The following ACTR3C variants were observed in gnomAD, a reference collection of about 807,000 sequenced individuals.
ACTR3C encodes actin related protein 3C.
Under a neutral mutation model 26.3 loss-of-function variants are expected in ACTR3C, and 18 were observed. That is an observed-to-expected ratio of 0.68 (90% CI 0.47 to 1.01). The LOEUF (loss-of-function observed/expected upper bound fraction) is 1.01, where lower values mean the gene tolerates loss of function less well. ACTR3C is among the 50% of genes least tolerant of loss of function. ACTR3C has a pLI of 0.00. For missense variants in ACTR3C, 184 were observed against 250.7 expected (o/e 0.73, Z 1.80); for synonymous variants, 55 against 94.5 (o/e 0.58, Z 2.42).
At position 150,274,179 on chromosome 7, in the gene ACTR3C, G is replaced by C. The variant is rs1023820280; in HGVS notation, c.564+10574C>G. On this transcript the variant is annotated intron_variant, in intron 6 of 7. Coordinates refer to ENST00000683684, the MANE Select transcript of ACTR3C (RefSeq NM_001164458.2). This position sits in a 1 kb window ranked among gnomAD's most constrained non-coding sequence, Gnocchi z 4.1. Reference sequence around the variant, plus strand: ...GGAAAAAGCGCCGAGGTGCAGTCTAGAGCAGGGTGGTCAGGACGCCTCACT... The same window carrying C: ...GGAAAAAGCGCCGAGGTGCAGTCTACAGCAGGGTGGTCAGGACGCCTCACT... Among the ~76,000 whole-genome samples the C allele has an allele frequency of 6.6e-6, 1 of 152,166 alleles. No homozygotes were observed. Among genetic ancestry groups the C allele is most frequent in the African/African-American group, 2.4e-5 (1 of 41,420 alleles).
At chr7:150,120,777 C>G in the ACTR3C span, among the ~76,000 whole-genome samples, 3 of 152,104 alleles carry the variant, frequency 2.0e-5, no homozygotes, top group Non-Finnish European at 2.9e-5. Flanking sequence ...GGCAGAGACA[C>G]AACTAAAAAA....
the ACTR3C span, among the ~76,000 whole-genome samples, chr7:150,039,215 G>C: frequency 6.7e-6 from 1 of 148,752 alleles, no homozygotes; most frequent in Non-Finnish European, 1.5e-5. Flanking sequence ...CTCTGCGATG[G>C]GGGTCCTAAG....
At chr7:150,310,817 T>C (rs1796250094) in intron 1 of ACTR3C, among the ~76,000 whole-genome samples, 1 of 152,180 alleles carries the variant, frequency 6.6e-6, no homozygotes, top group Non-Finnish European at 1.5e-5. Context: ...GAACTTCTTC[T>C]TTGCAGCCCC....
the ACTR3C span, among the ~76,000 whole-genome samples, chr7:149,918,855 C>G: frequency 2.0e-5 from 3 of 152,140 alleles, no homozygotes; most frequent in African/African-American, 7.2e-5. Flanking sequence ...GAGAACGAGC[C>G]CAACACACTC....
chr7:150,270,757 G>T (rs1834387146), intron 6 of ACTR3C, among the ~76,000 whole-genome samples: 1 of 151,468 alleles, frequency 6.6e-6, no homozygotes, highest in Admixed American at 6.6e-5. Context: ...CTGAAATCTG[G>T]TACCCACCTG....
the ACTR3C span, among the ~76,000 whole-genome samples, chr7:149,985,609 G>C: frequency 0.07 from 10,618 of 152,208 alleles, 1,198 homozygotes; most frequent in African/African-American, 0.24. Context: ...TACTGAACAC[G>C]TGCTCTCTGA....
the ACTR3C span, among the ~76,000 whole-genome samples, chr7:150,193,815 T>G: frequency 1.3e-5 from 2 of 152,036 alleles, no homozygotes; most frequent in African/African-American, 2.4e-5. Flanking sequence ...TTGGTGAGGT[T>G]TATTTTATGG....
At chr7:150,042,364 T>G in the ACTR3C span, among the ~76,000 whole-genome samples, 1 of 117,348 alleles carries the variant, frequency 8.5e-6, no homozygotes, top group Non-Finnish European at 1.8e-5. Flanking sequence ...CCCCCAGCGA[T>G]GGGGGTCCTA....
the ACTR3C span, among the ~76,000 whole-genome samples, chr7:150,163,153 C>CAA: frequency 5.3e-5 from 7 of 131,450 alleles, no homozygotes; most frequent in African/African-American, 1.8e-4. Context: ...GACTCAGTCT[C>CAA]AAAAAAAAGA....
the ACTR3C span, among the ~76,000 whole-genome samples, chr7:149,900,752 G>A: frequency 5.9e-5 from 9 of 152,074 alleles, no homozygotes; most frequent in Non-Finnish European, 4.4e-5. Context: ...TATTAGAAAT[G>A]GGGGGCCAGG....
the ACTR3C span, among the ~76,000 whole-genome samples, chr7:149,946,543 G>A: frequency 1.3e-5 from 2 of 152,180 alleles, no homozygotes; most frequent in Middle Eastern, 3.2e-3. Context: ...CCCAGGATTG[G>A]TTTCCCCCAT....
the ACTR3C span, among the ~76,000 whole-genome samples, chr7:150,165,038 C>T: frequency 1.3e-5 from 2 of 152,282 alleles, no homozygotes; most frequent in East Asian, 3.9e-4. Context: ...GCTTAGGCAA[C>T]GTGCAGAAAT....
At chr7:150,045,682 T>A in the ACTR3C span, among the ~76,000 whole-genome samples, 1 of 152,092 alleles carries the variant, frequency 6.6e-6, no homozygotes, top group Admixed American at 6.5e-5. Flanking sequence ...TGTGTTTATG[T>A]GAGAATCATT....
chr7:150,312,045 T>C (rs1307841887), intron 1 of ACTR3C, among the ~76,000 whole-genome samples: 1 of 152,220 alleles, frequency 6.6e-6, no homozygotes, highest in Non-Finnish European at 1.5e-5. Flanking sequence ...GGTCATTCAC[T>C]GTAAAGGACA....
chr7:150,322,692 G>C (rs1347599296), intron 1 of ACTR3C: 1 of 152,226 alleles, frequency 6.6e-6, no homozygotes, highest in Non-Finnish European at 1.5e-5. Context: ...TCTGCCTATG[G>C]AGTAGCCATC....
At chr7:149,925,602 G>A in the ACTR3C span, among the ~76,000 whole-genome samples, 2 of 152,146 alleles carry the variant, frequency 1.3e-5, no homozygotes, top group Non-Finnish European at 2.9e-5. Flanking sequence ...AGCATCTCCA[G>A]TCATTGGGTT....
chr7:150,085,901 G>T, the ACTR3C span, among the ~76,000 whole-genome samples: 10 of 152,112 alleles, frequency 6.6e-5, no homozygotes, highest in Admixed American at 2.0e-4. Context: ...ACATGGAGGG[G>T]TATCAAGTAA....
At chr7:149,965,569 T>C in the ACTR3C span, among the ~76,000 whole-genome samples, 1 of 151,636 alleles carries the variant, frequency 6.6e-6, no homozygotes, top group African/African-American at 2.4e-5. Flanking sequence ...CAGAGAATAT[T>C]TGAAGGGAAA....
At chr7:150,118,034 C>T in the ACTR3C span, among the ~76,000 whole-genome samples, 2 of 152,184 alleles carry the variant, frequency 1.3e-5, no homozygotes, top group Admixed American at 6.5e-5. Context: ...AAAGGAATAG[C>T]ATCGACATAA....
Sources: gnomAD v4.1 joint callset for allele counts (sites outside exome capture counted in the v4.1 genomes callset) on GRCh38, gnomAD v4.1.1 for gene constraint, Gnocchi (gnomAD v3.1) non-coding constraint, MANE v1.5 for transcripts, NCBI Gene and HGNC (gene_info 2026-07-23, HGNC 2026-07-21) for gene names.